The following PDE4D variants were observed in gnomAD, a reference collection of about 807,000 sequenced individuals.
PDE4D encodes 3',5'-cyclic-AMP phosphodiesterase 4D.
PDE4D carries 24 observed loss-of-function variants against 87.4 expected under a neutral mutation model. The ratio of observed to expected loss-of-function variants is 0.27; its 90% CI spans 0.20 to 0.39. The LOEUF is 0.39. PDE4D is among the 10% of genes least tolerant of loss of function. PDE4D has a pLI of 1.00. For missense variants in PDE4D, 714 were observed against 1,041.0 expected (o/e 0.69, Z 4.32); for synonymous variants, 384 against 383.2 (o/e 1.00, Z -0.02).
intron 1 of PDE4D, among the ~76,000 whole-genome samples, chr5:60,499,733 A>G (rs1454664148): frequency 1.3e-5 from 2 of 152,100 alleles, no homozygotes; most frequent in African/African-American, 4.8e-5. Context: ...GTCATTAAAG[A>G]CTCCAAAAAA....
intron 6 of PDE4D, among the ~76,000 whole-genome samples, chr5:59,025,005 C>G (rs1372186134): frequency 3.3e-5 from 5 of 151,324 alleles, no homozygotes; most frequent in Non-Finnish European, 7.4e-5. Context: ...AATTTATGAA[C>G]AGCTCTGGCC....
intron 1 of PDE4D, among the ~76,000 whole-genome samples, chr5:60,441,563 C>A (rs999544678): frequency 2.0e-5 from 3 of 152,130 alleles, no homozygotes; most frequent in Non-Finnish European, 4.4e-5. Flanking sequence ...AAAGCAATGG[C>A]AACAAAAGCC....
At chr5:59,300,677 G>C (rs928630931) in intron 1 of PDE4D, among the ~76,000 whole-genome samples, 19 of 152,004 alleles carry the variant, frequency 1.2e-4, no homozygotes, top group African/African-American at 4.6e-4. Context: ...AAACATGTGA[G>C]GTTTCCCCCC....
intron 1 of PDE4D, among the ~76,000 whole-genome samples, chr5:59,827,410 T>A (rs1275447388): frequency 6.6e-6 from 1 of 152,148 alleles, no homozygotes; most frequent in Non-Finnish European, 1.5e-5. Context: ...TTGAAATGTG[T>A]CTTTATCTGA....
At chr5:59,519,033 A>G (rs780015535) in intron 1 of PDE4D, among the ~76,000 whole-genome samples, 10 of 152,174 alleles carry the variant, frequency 6.6e-5, no homozygotes, top group Non-Finnish European at 1.3e-4. Context: ...TAAAGCCAAC[A>G]TGAGACTTTC....
chr5:59,514,688 A>G (rs1810861796), intron 1 of PDE4D, among the ~76,000 whole-genome samples: 1 of 152,204 alleles, frequency 6.6e-6, no homozygotes, highest in African/African-American at 2.4e-5. Flanking sequence ...ACAAAAACCA[A>G]CGAATTTTAT....
chr5:60,167,021 T>G (rs891067660), intron 2 of PDE4D, among the ~76,000 whole-genome samples: 1 of 152,154 alleles, frequency 6.6e-6, no homozygotes, highest in Non-Finnish European at 1.5e-5. Flanking sequence ...TAATATGTAT[T>G]GAATAGTCTT....
chr5:59,513,363 A>G (rs1440908668), intron 1 of PDE4D, among the ~76,000 whole-genome samples: 1 of 152,216 alleles, frequency 6.6e-6, no homozygotes, highest in African/African-American at 2.4e-5. Flanking sequence ...AGGTTAGCAC[A>G]TCATCTAGAT....
chr5:60,088,208 G>T (rs1242130588), intron 2 of PDE4D, among the ~76,000 whole-genome samples: 1 of 151,296 alleles, frequency 6.6e-6, no homozygotes, highest in Non-Finnish European at 1.5e-5. Flanking sequence ...ACAAACAAAA[G>T]CTGAGGAAAT....
chr5:59,686,104 T>C (rs1749816373), intron 1 of PDE4D, among the ~76,000 whole-genome samples: 1 of 152,168 alleles, frequency 6.6e-6, no homozygotes, highest in Non-Finnish European at 1.5e-5. Context: ...GATGGTGGTG[T>C]CTCTCACTGT....
intron 11 of PDE4D, among the ~76,000 whole-genome samples, chr5:58,983,850 G>A (rs1054145263): frequency 6.6e-6 from 1 of 152,144 alleles, no homozygotes. Flanking sequence ...CTTAGTAAAT[G>A]GGCCAGAGTA....
intron 1 of PDE4D, among the ~76,000 whole-genome samples, chr5:60,450,932 G>A (rs775555491): frequency 4.6e-5 from 7 of 152,126 alleles, no homozygotes; most frequent in East Asian, 1.9e-4. Context: ...TATTACTGTC[G>A]CCTACATATA....
chr5:60,142,343 G>A (rs1020050673), intron 2 of PDE4D, among the ~76,000 whole-genome samples: 7 of 152,136 alleles, frequency 4.6e-5, no homozygotes, highest in Admixed American at 3.9e-4. Flanking sequence ...CTCTTCACAA[G>A]CAGTCTTTTA....
chr5:60,470,582 G>A (rs369565892), intron 1 of PDE4D, among the ~76,000 whole-genome samples: 4 of 152,260 alleles, frequency 2.6e-5, no homozygotes, highest in African/African-American at 9.6e-5. Context: ...TAACTCTCTT[G>A]TTAAGGACCA....
At chr5:59,511,120 T>A (rs1277742158) in intron 1 of PDE4D, among the ~76,000 whole-genome samples, 1 of 151,952 alleles carries the variant, frequency 6.6e-6, no homozygotes, top group Non-Finnish European at 1.5e-5. Context: ...TCTTAAAGAT[T>A]ATTTTAGTAA....
intron 1 of PDE4D, among the ~76,000 whole-genome samples, chr5:59,464,598 CAG>C (rs1373997781): frequency 6.6e-6 from 1 of 152,186 alleles, no homozygotes; most frequent in East Asian, 1.9e-4. Context: ...TAAGGGAACT[CAG>C]AGGCTGGCGG....
rs535226426 is a variant in PDE4D at position 59,318,702 on chromosome 5, C to T, written c.456-102734G>A. Among the ~76,000 whole-genome samples, 264 of 152,010 alleles carry T rather than the reference C, an allele frequency of 1.7e-3. 1 individual carries two copies. Among genetic ancestry groups the T allele is most frequent in the African/African-American group, 5.8e-3 (241 of 41,474 alleles). ...AAAAATGTTAAACATAATTGTGTTA[C>T]GGTGGTAGAATAATAGGCAAGATTT... On this transcript the variant is annotated intron_variant, in intron 1 of 14. Transcript: ENST00000340635.
At chr5:59,464,635 T>C (rs1801290501) in intron 1 of PDE4D, among the ~76,000 whole-genome samples, 1 of 152,134 alleles carries the variant, frequency 6.6e-6, no homozygotes, top group African/African-American at 2.4e-5. Context: ...TGAACGCTGG[T>C]TCCCTGGGTC....
chr5:59,356,872 AG>A (rs771051173), intron 1 of PDE4D: 71 of 1,526,516 alleles, frequency 4.7e-5, no homozygotes, highest in Non-Finnish European at 6.1e-5. Context: ...CAAGATCCCC[AG>A]GAACCACGAG....
Sources: allele counts gnomAD v4.1 joint callset (sites outside exome capture counted in the v4.1 genomes callset), GRCh38; gene constraint gnomAD v4.1.1; transcripts MANE v1.5; gene names NCBI Gene and HGNC (gene_info 2026-07-23, HGNC 2026-07-21).